PABPC4L: variants seen among roughly 807,000 people sequenced by gnomAD.
PABPC4L encodes the protein polyadenylate-binding protein 4-like.
For missense variants in PABPC4L, 452 were observed against 451.4 expected (o/e 1.00, Z -0.01); for synonymous variants, 169 against 164.1 (o/e 1.03, Z -0.23).
the PABPC4L span, among the ~76,000 whole-genome samples, chr4:134,027,472 T>G: frequency 5.2e-4 from 79 of 152,260 alleles, no homozygotes; most frequent in African/African-American, 1.9e-3. Context: ...GCTTTATCTA[T>G]TCATTTTTTG....
chr4:134,062,978 C>A, the PABPC4L span, among the ~76,000 whole-genome samples: 1 of 152,196 alleles, frequency 6.6e-6, no homozygotes, highest in Non-Finnish European at 1.5e-5. Flanking sequence ...GTTTCTACTT[C>A]TGGCTGTAGT....
chr4:134,040,818 A>T, the PABPC4L span, among the ~76,000 whole-genome samples: 3 of 152,162 alleles, frequency 2.0e-5, no homozygotes, highest in Non-Finnish European at 4.4e-5. Context: ...AATTTTTGCA[A>T]TCTACCCATC....
Position 134,200,116 on chromosome 4 carries a change from C to T in PABPC4L, c.904G>A (p.Asp302Asn), listed in dbSNP as rs745450693. 2 of 1,551,642 alleles carry T rather than the reference C, an allele frequency of 1.3e-6. No homozygotes were observed. Among genetic ancestry groups the T allele is most frequent in the Non-Finnish European group, 1.7e-6 (2 of 1,146,966 alleles). ...GVKLYIKNLD[D>N]TIDDEKLRNE... ...CGTAGTTTTTCATCATCGATGGTGT[C>T]ATCAAGGTTCTTAATATAGAGTTTT... Residue 302 changes from aspartate to asparagine, a missense_variant, in exon 2 of 2, where the codon GAC becomes AAC. Transcript: ENST00000421491.
the PABPC4L span, among the ~76,000 whole-genome samples, chr4:134,020,693 G>T: frequency 1.3e-5 from 2 of 152,062 alleles, no homozygotes; most frequent in Non-Finnish European, 2.9e-5. Flanking sequence ...GTTCATACAA[G>T]TTGGTGGATA....
At chr4:134,035,952 C>T in the PABPC4L span, among the ~76,000 whole-genome samples, 2 of 151,908 alleles carry the variant, frequency 1.3e-5, no homozygotes, top group South Asian at 4.1e-4. Context: ...ACCATCAGAT[C>T]TCATTAGAAC....
the PABPC4L span, among the ~76,000 whole-genome samples, chr4:134,135,666 T>C: frequency 6.6e-6 from 1 of 151,954 alleles, no homozygotes; most frequent in Non-Finnish European, 1.5e-5. Flanking sequence ...ACTCCGTCTC[T>C]ACTGAAAATA....
At chr4:134,167,777 C>A in the PABPC4L span, among the ~76,000 whole-genome samples, 4 of 151,506 alleles carry the variant, frequency 2.6e-5, no homozygotes, top group Non-Finnish European at 5.9e-5. Flanking sequence ...ACTGGAGCAC[C>A]CAGATATATA....
chr4:134,037,035 G>T, the PABPC4L span, among the ~76,000 whole-genome samples: 1 of 140,302 alleles, frequency 7.1e-6, no homozygotes, highest in Non-Finnish European at 1.5e-5. Context: ...CACCCTGGGG[G>T]ACAAGAGCAA....
At chr4:134,073,138 A>T in the PABPC4L span, among the ~76,000 whole-genome samples, 4 of 152,288 alleles carry the variant, frequency 2.6e-5, no homozygotes, top group Admixed American at 2.6e-4. Context: ...GTCCAAGTCC[A>T]AAGTCCCATA....
the PABPC4L span, among the ~76,000 whole-genome samples, chr4:134,018,084 G>T: frequency 5.3e-5 from 8 of 152,046 alleles, no homozygotes; most frequent in African/African-American, 1.7e-4. Context: ...CAAAAGAAGT[G>T]AAAATGGCCT....
the PABPC4L span, among the ~76,000 whole-genome samples, chr4:134,071,931 CT>C: frequency 6.6e-6 from 1 of 151,986 alleles, no homozygotes; most frequent in East Asian, 1.9e-4. Context: ...TTCCTTTAGA[CT>C]TTAGGTTTTA....
At chr4:133,989,522 A>G in the PABPC4L span, among the ~76,000 whole-genome samples, 1 of 152,166 alleles carries the variant, frequency 6.6e-6, no homozygotes, top group African/African-American at 2.4e-5. Flanking sequence ...CATTGTCCAT[A>G]TGACTTTCAA....
the PABPC4L span, among the ~76,000 whole-genome samples, chr4:134,112,404 A>G: frequency 6.6e-6 from 1 of 151,848 alleles, no homozygotes; most frequent in African/African-American, 2.4e-5. Context: ...TGTACTCCAT[A>G]TGTCAATATA....
chr4:134,180,075 C>A, the PABPC4L span, among the ~76,000 whole-genome samples: 1 of 151,978 alleles, frequency 6.6e-6, no homozygotes, highest in African/African-American at 2.4e-5. Context: ...ACTCTTCATC[C>A]AAAAACAGAA....
chr4:133,977,138 C>T, the PABPC4L span, among the ~76,000 whole-genome samples: 2 of 152,080 alleles, frequency 1.3e-5, no homozygotes, highest in Non-Finnish European at 2.9e-5. Context: ...ATATGGCTAG[C>T]CAGTTCTCCC....
chr4:133,961,248 C>T, the PABPC4L span, among the ~76,000 whole-genome samples: 1 of 152,164 alleles, frequency 6.6e-6, no homozygotes, highest in Non-Finnish European at 1.5e-5. Context: ...CTCTGTGCAG[C>T]CAACTCCCAG....
chr4:134,154,081 G>T, the PABPC4L span, among the ~76,000 whole-genome samples: 1 of 151,758 alleles, frequency 6.6e-6, no homozygotes, highest in Non-Finnish European at 1.5e-5. Context: ...ACTCAGTAAA[G>T]ATAATCTATC....
chr4:134,022,993 G>A, the PABPC4L span, among the ~76,000 whole-genome samples: 1 of 127,134 alleles, frequency 7.9e-6, no homozygotes, highest in Non-Finnish European at 1.6e-5. Flanking sequence ...AAAATTAAGG[G>A]GGAAAAGACT....
chr4:134,082,155 T>C, the PABPC4L span, among the ~76,000 whole-genome samples: 1 of 152,162 alleles, frequency 6.6e-6, no homozygotes, highest in South Asian at 2.1e-4. Context: ...AAAAGGGATG[T>C]CTTATTACAT....
Sources: gnomAD v4.1 joint callset for allele counts (sites outside exome capture counted in the v4.1 genomes callset) on GRCh38, gnomAD v4.1.1 for gene constraint, MANE v1.5 for transcripts, NCBI Gene and HGNC (gene_info 2026-07-23, HGNC 2026-07-21) for gene names.